Variants in NTM observed in about 807,000 individuals in gnomAD.
NTM encodes the protein IgLON family member 2.
In NTM, 13 loss-of-function variants were observed where a neutral mutation model predicts 42.1. The observed-to-expected ratio is 0.31, with a 90% CI of 0.20 to 0.49. The LOEUF is 0.49. NTM is among the 20% of genes least tolerant of loss of function. The pLI is 0.99. For synonymous variants in NTM, 187 were observed against 179.2 expected (o/e 1.04, Z -0.35); for missense variants, 373 against 452.8 (o/e 0.82, Z 1.60).
At chr11:131,409,991 G>A (rs1435877205) in intron 1 of NTM, among the ~76,000 whole-genome samples, 2 of 152,148 alleles carry the variant, frequency 1.3e-5, no homozygotes, top group African/African-American at 4.8e-5. Flanking sequence ...GCCTCTAGCT[G>A]AACAGGAAGA....
At chr11:131,417,775 G>A (rs954707919) in intron 1 of NTM, among the ~76,000 whole-genome samples, 1 of 152,070 alleles carries the variant, frequency 6.6e-6, no homozygotes, top group Non-Finnish European at 1.5e-5. Context: ...TAGGAAGATG[G>A]GGCCTAATCC....
chr11:131,597,670 C>T (rs561019504), intron 1 of NTM, among the ~76,000 whole-genome samples: 4 of 152,338 alleles, frequency 2.6e-5, no homozygotes, highest in African/African-American at 9.6e-5. Context: ...CCACAGAAAT[C>T]ACCCCTTTTC....
chr11:131,709,135 C>T (rs1343749183), intron 1 of NTM, among the ~76,000 whole-genome samples: 1 of 151,978 alleles, frequency 6.6e-6, no homozygotes, highest in African/African-American at 2.4e-5. Flanking sequence ...GTGGCTGGTA[C>T]AGAGTGAGCG....
chr11:132,237,320 T>C (rs1592428326), intron 4 of NTM, among the ~76,000 whole-genome samples: 1 of 152,144 alleles, frequency 6.6e-6, no homozygotes, highest in African/African-American at 2.4e-5. Context: ...ACGAGGGCCT[T>C]TCCAGTGCCC....
chr11:131,940,658 A>T (rs1246394825), intron 2 of NTM, among the ~76,000 whole-genome samples: 5 of 152,180 alleles, frequency 3.3e-5, no homozygotes, highest in Non-Finnish European at 7.3e-5. Context: ...AGCAATACTA[A>T]GTGACTTTTG....
At chr11:131,769,009 G>A (rs897335014) in intron 1 of NTM, among the ~76,000 whole-genome samples, 20 of 152,186 alleles carry the variant, frequency 1.3e-4, no homozygotes, top group African/African-American at 4.8e-4. Flanking sequence ...CTTAATAGGG[G>A]AGGTATAGGG....
chr11:131,647,719 G>A (rs2065939432), intron 1 of NTM, among the ~76,000 whole-genome samples: 1 of 152,120 alleles, frequency 6.6e-6, no homozygotes, highest in African/African-American at 2.4e-5. Flanking sequence ...ATTCATATGT[G>A]ATTTTTATAT....
intron 1 of NTM, among the ~76,000 whole-genome samples, chr11:131,861,009 C>G (rs989283479): frequency 6.6e-6 from 1 of 152,180 alleles, no homozygotes; most frequent in African/African-American, 2.4e-5. Flanking sequence ...TTGGCCTCCA[C>G]TTCCCTTAGG....
rs140622460 is a variant in NTM at position 131,810,280 on chromosome 11, C to G, written c.83-101284C>G. On this transcript the variant is annotated intron_variant, in intron 1 of 8. Transcript: ENST00000683400. Reference sequence around the variant, plus strand: ...ATTGACTCCCTGTCCCCATGTTGCTCAGATTCCCTCATATTTCTTCTTACT... The same window carrying G: ...ATTGACTCCCTGTCCCCATGTTGCTGAGATTCCCTCATATTTCTTCTTACT... Among the ~76,000 whole-genome samples, 1,215 of 152,282 alleles carry G rather than the reference C, an allele frequency of 8.0e-3. 17 individuals are homozygous for G. The highest frequency in any genetic ancestry group is 0.026 in the African/African-American group (1,067 of 41,558).
intron 1 of NTM, among the ~76,000 whole-genome samples, chr11:131,408,457 T>C (rs781068980): frequency 2.0e-5 from 3 of 152,178 alleles, no homozygotes; most frequent in Non-Finnish European, 2.9e-5. Context: ...CTGTATAACA[T>C]TTATGTGATT....
chr11:131,653,627 G>A (rs1592377353), intron 1 of NTM, among the ~76,000 whole-genome samples: 1 of 152,246 alleles, frequency 6.6e-6, no homozygotes, highest in Non-Finnish European at 1.5e-5. Flanking sequence ...ATGCAAAGCT[G>A]GAGCCAGCTT....
intron 2 of NTM, among the ~76,000 whole-genome samples, chr11:132,026,488 T>G (rs7111103): frequency 1.8e-4 from 27 of 152,250 alleles, no homozygotes; most frequent in African/African-American, 6.0e-4. Flanking sequence ...GAATGTAGAG[T>G]CATCTGCTTT....
chr11:132,306,172 T>G (rs1157823985), intron 4 of NTM: 5 of 152,190 alleles, frequency 3.3e-5, no homozygotes, highest in Non-Finnish European at 5.9e-5. Context: ...TTGTTGTTGT[T>G]GCTGTTGTTA....
At chr11:132,298,292 G>T (rs2140088845) in intron 4 of NTM, among the ~76,000 whole-genome samples, 1 of 152,270 alleles carries the variant, frequency 6.6e-6, no homozygotes, top group Middle Eastern at 3.4e-3. Flanking sequence ...GATCAAATTG[G>T]CTGAGTTTAC....
chr11:131,713,329 T>C (rs919017605), intron 1 of NTM, among the ~76,000 whole-genome samples: 1 of 152,180 alleles, frequency 6.6e-6, no homozygotes, highest in African/African-American at 2.4e-5. Context: ...TTAGCTGTGA[T>C]AAAGTTCTCT....
chr11:131,917,449 G>T (rs1197610714), intron 2 of NTM, among the ~76,000 whole-genome samples: 4 of 152,290 alleles, frequency 2.6e-5, no homozygotes, highest in Non-Finnish European at 5.9e-5. Flanking sequence ...GAGGTGTGTT[G>T]GTTGTCCATT....
Position 132,146,146 on chromosome 11 carries a change from C to A in NTM, c.168-136C>A. On this transcript the variant is annotated intron_variant, in intron 2 of 8. Coordinates refer to ENST00000683400, the MANE Select transcript of NTM (RefSeq NM_001352005.2). This position sits in a 1 kb window ranked among gnomAD's most constrained non-coding sequence, Gnocchi z 4.5. ...TGCTGTGTTCCAGAAAAGTCCACCC[C>A]TGACAAATCAAAGGAAATGTATGTG... is the stretch of plus-strand genomic sequence containing the variant. 1.4e-6 allele frequency: 2 copies of A among 1,384,398 alleles called. No homozygotes were observed. Among genetic ancestry groups the A allele is most frequent in the Non-Finnish European group, 1.9e-6 (2 of 1,031,528 alleles). The allele number at this position is 1,384,398 out of a possible 1,614,324, so 85.8% of individuals were successfully genotyped here.
intron 1 of NTM, among the ~76,000 whole-genome samples, chr11:131,717,163 G>A (rs1288725259): frequency 6.6e-6 from 1 of 152,162 alleles, no homozygotes. Flanking sequence ...CTTCAAATCA[G>A]ATAGTGGTAG....
chr11:131,907,481 G>A (rs1298013874), intron 1 of NTM, among the ~76,000 whole-genome samples: 1 of 152,174 alleles, frequency 6.6e-6, no homozygotes, highest in Non-Finnish European at 1.5e-5. Context: ...TTTTGCTCAG[G>A]GAGTGTGTAT....
Sources: allele counts gnomAD v4.1 joint callset (sites outside exome capture counted in the v4.1 genomes callset), GRCh38; gene constraint gnomAD v4.1.1; non-coding constraint Gnocchi (gnomAD v3.1); transcripts MANE v1.5; gene names NCBI Gene and HGNC (gene_info 2026-07-23, HGNC 2026-07-21).